The following MEGF11 variants were observed in gnomAD, a reference collection of about 807,000 sequenced individuals.
MEGF11 encodes the protein multiple EGF like domains 11.
In MEGF11, 126 loss-of-function variants were observed where a neutral mutation model predicts 146.6. That is an observed-to-expected ratio of 0.86 (90% confidence interval 0.74 to 1.00). MEGF11 has a LOEUF of 1.00. MEGF11 is among the 50% of genes least tolerant of loss of function. The probability of loss-of-function intolerance (pLI) is 0.00; values close to 1 mark genes in which losing one functional copy is unlikely to be tolerated. For synonymous variants in MEGF11, 532 were observed against 583.4 expected, an observed-to-expected ratio of 0.91 and a Z score of 1.27; for missense variants, 1,509 against 1,521.2, an observed-to-expected ratio of 0.99 and a Z score of 0.13.
intron 3 of MEGF11, among the ~76,000 whole-genome samples, chr15:66,123,104 A>G (rs1041528524): frequency 6.6e-6 from 1 of 152,178 alleles, no homozygotes; most frequent in Non-Finnish European, 1.5e-5. Context: ...TTTGATGAGT[A>G]CACTGGGAAT....
In MEGF11 at chr15:65,897,709, C is replaced by G; in HGVS notation, c.*225G>C. On this transcript the variant is annotated 3_prime_UTR_variant, in exon 26 of 26. Transcript: ENST00000395614. ...TAAAATGTTTTAAAAATCATATAAT[C>G]CAGGGCATTTGGGGCTGAGTGGGTG... 1 of 399,362 alleles carries G rather than the reference C, an allele frequency of 2.5e-6. No individual in the cohort carries two copies. The highest frequency in any genetic ancestry group is 4.4e-6 in the Non-Finnish European group (1 of 225,994). 24.7% of individuals were successfully genotyped at this position (399,362 alleles called of 1,614,324 possible).
chr15:66,003,534 C>T (rs1256428343), intron 5 of MEGF11, among the ~76,000 whole-genome samples: 1 of 152,146 alleles, frequency 6.6e-6, no homozygotes, highest in Non-Finnish European at 1.5e-5. Context: ...AGCAACCCAA[C>T]AGCACCAGGA....
intron 2 of MEGF11, among the ~76,000 whole-genome samples, chr15:66,127,938 T>A (rs1343124121): frequency 6.6e-6 from 1 of 152,196 alleles, no homozygotes; most frequent in Non-Finnish European, 1.5e-5. Flanking sequence ...CATCACAGCA[T>A]CAGAGAGCAT....
At chr15:66,089,133 C>T (rs1364790640) in intron 5 of MEGF11, among the ~76,000 whole-genome samples, 2 of 152,208 alleles carry the variant, frequency 1.3e-5, no homozygotes, top group Non-Finnish European at 2.9e-5. Flanking sequence ...CTATTTTAAT[C>T]TGCAGATAGC....
chr15:66,238,966 C>T (rs2092153782), intron 1 of MEGF11, among the ~76,000 whole-genome samples: 1 of 152,250 alleles, frequency 6.6e-6, no homozygotes, highest in Non-Finnish European at 1.5e-5. Flanking sequence ...GCATTGCTCA[C>T]TGCTGTACGC....
At chr15:65,929,672 G>T in intron 12 of MEGF11, 48 bp downstream of exon 12, 1 of 1,530,658 alleles carries the variant, frequency 6.5e-7, no homozygotes, top group Non-Finnish European at 8.8e-7. Flanking sequence ...GGGAAAGGGC[G>T]TGAGGGGATG....
chr15:65,982,104 T>A lies in MEGF11; in HGVS notation c.641+138A>T. 5 of 1,121,246 alleles carry A rather than the reference T, an allele frequency of 4.5e-6. No individual in the cohort carries two copies. The highest frequency in any genetic ancestry group is 6.0e-6 in the Non-Finnish European group (5 of 827,642). 69.5% of individuals were successfully genotyped at this position (1,121,246 alleles called of 1,614,324 possible). On this transcript the variant is annotated intron_variant, in intron 6 of 25. Coordinates refer to ENST00000395614, the MANE Select transcript of MEGF11 (RefSeq NM_001385028.1). This position sits in a 1 kb window ranked among gnomAD's most constrained non-coding sequence, Gnocchi z 5.6. ...AGCCCACCCACAAGGAGCCCAGGGC[T>A]GGGCGTGCAGCTGCGGTGAGGGCAG...
At chr15:66,013,340 G>A (rs1396843844) in intron 5 of MEGF11, among the ~76,000 whole-genome samples, 1 of 152,106 alleles carries the variant, frequency 6.6e-6, no homozygotes, top group African/African-American at 2.4e-5. Flanking sequence ...TCCTCTGTCT[G>A]GGCCTTGAGA....
intron 5 of MEGF11, among the ~76,000 whole-genome samples, chr15:66,073,574 ACT>A (rs1287955521): frequency 6.6e-6 from 1 of 151,896 alleles, no homozygotes; most frequent in Non-Finnish European, 1.5e-5. Context: ...CTAACAGATC[ACT>A]CTCTCCGTTT....
At chr15:65,977,624 G>A (rs1407046976) in intron 7 of MEGF11, among the ~76,000 whole-genome samples, 2 of 151,914 alleles carry the variant, frequency 1.3e-5, no homozygotes, top group South Asian at 4.2e-4. Flanking sequence ...GATTACAGGT[G>A]CCCACGACCA....
At chr15:66,060,985 G>A (rs1253183991) in intron 5 of MEGF11, among the ~76,000 whole-genome samples, 1 of 152,234 alleles carries the variant, frequency 6.6e-6, no homozygotes, top group African/African-American at 2.4e-5. Context: ...AGGACGCCTA[G>A]GGCTGGAATG....
rs535687656 is a variant in MEGF11 at position 65,982,519 on chromosome 15, A to T, written c.395-31T>A. 2 of 1,448,686 alleles carry T rather than the reference A, an allele frequency of 1.4e-6. No individual in the cohort carries two copies. Among genetic ancestry groups the T allele is most frequent in the East Asian group, 2.5e-5 (1 of 39,346 alleles). The allele number at this position is 1,448,686 out of a possible 1,614,324, so 89.7% of individuals were successfully genotyped here. On this transcript the variant is annotated intron_variant, in intron 5 of 25. Coordinates refer to ENST00000395614, the MANE Select transcript of MEGF11 (RefSeq NM_001385028.1). The surrounding 1 kb of genome is among the most constrained non-coding windows in gnomAD (Gnocchi z 5.6). ...AGAGACGGGACAGTCAGGGATCAGG[A>T]GCCCCGAAGGCTCTCCTTGGGGCAG...
At chr15:66,246,084 C>T (rs1356194498) in intron 1 of MEGF11, among the ~76,000 whole-genome samples, 2 of 152,026 alleles carry the variant, frequency 1.3e-5, no homozygotes, top group African/African-American at 2.4e-5. Flanking sequence ...CAGTGAGACC[C>T]TTTCTCTACT....
rs969871499 is a variant in MEGF11, at chr15:66,160,641, G to C, written c.-8-32230C>G. Among the ~76,000 whole-genome samples the C allele has an allele frequency of 4.1e-5, 6 of 147,652 alleles. No individual in the cohort carries two copies. The South Asian group carries it at 1.3e-3, about 32-fold the overall frequency. ...TTTATTGAGTGCCTACTATATGCCA[G>C]GCACTGCTCTAGGCCCTAAGGGGAC... On this transcript the variant is annotated intron_variant, in intron 1 of 25. Coordinates refer to ENST00000395614, the MANE Select transcript of MEGF11 (RefSeq NM_001385028.1).
intron 4 of MEGF11, among the ~76,000 whole-genome samples, chr15:66,114,442 A>G (rs2087614035): frequency 6.6e-6 from 1 of 152,264 alleles, no homozygotes; most frequent in Admixed American, 6.5e-5. Flanking sequence ...GTTGTCTGTT[A>G]CCGCAGCAAA....
intron 4 of MEGF11, among the ~76,000 whole-genome samples, chr15:66,104,766 T>C (rs2086987300): frequency 6.6e-6 from 1 of 152,166 alleles, no homozygotes; most frequent in Admixed American, 6.5e-5. Context: ...GCAGGTGAAT[T>C]CCATCTCTGA....
chr15:66,237,857 G>A (rs2092128569), intron 1 of MEGF11, among the ~76,000 whole-genome samples: 1 of 152,158 alleles, frequency 6.6e-6, no homozygotes, highest in Admixed American at 6.5e-5. Flanking sequence ...ATAACAGGAA[G>A]CTTTTGAGGC....
At chr15:65,974,661 A>G (rs2081394541) in intron 7 of MEGF11, among the ~76,000 whole-genome samples, 1 of 152,110 alleles carries the variant, frequency 6.6e-6, no homozygotes, top group Non-Finnish European at 1.5e-5. Context: ...TCTCAAAAGA[A>G]AAAAAGAAAA....
chr15:66,206,639 C>T (rs555093227), intron 1 of MEGF11, among the ~76,000 whole-genome samples: 2 of 152,136 alleles, frequency 1.3e-5, no homozygotes, highest in Non-Finnish European at 2.9e-5. Flanking sequence ...TGGTGGCTCA[C>T]ACCTGTAATC....
Sources: allele counts gnomAD v4.1 joint callset (sites outside exome capture counted in the v4.1 genomes callset), GRCh38; gene constraint gnomAD v4.1.1; non-coding constraint Gnocchi (gnomAD v3.1); transcripts MANE v1.5; gene names NCBI Gene and HGNC (gene_info 2026-07-23, HGNC 2026-07-21).